Variants in KIF1C observed in about 807,000 individuals in gnomAD.
The protein encoded by KIF1C is kinesin family member 1C, also known as kinesin-like protein KIF1C.
KIF1C carries 61 observed loss-of-function variants against 126.5 expected under a neutral mutation model. That is an observed-to-expected ratio of 0.48 (90% CI 0.39 to 0.60). The LOEUF (loss-of-function observed/expected upper bound fraction) is 0.60. Among genes scored for constraint, KIF1C ranks in the 20% least tolerant of loss-of-function variants. The probability of loss-of-function intolerance (pLI) is 0.00; values close to 1 mark genes in which losing one functional copy is unlikely to be tolerated. For missense variants in KIF1C, 1,315 were observed against 1,489.2 expected (o/e 0.88, Z 1.93); for synonymous variants, 640 against 580.6 (o/e 1.10, Z -1.47).
chr17:5,008,549 GT>G, intron 16 of KIF1C, among the ~76,000 whole-genome samples: 1 of 152,228 alleles, frequency 6.6e-6, no homozygotes, highest in African/African-American at 2.4e-5. Flanking sequence ...GAGGTGATGG[GT>G]TACCAGAAGA....
At chr17:5,004,132 A>C in intron 11 of KIF1C, 59 bp downstream of exon 11, 1 of 1,194,146 alleles carries the variant, frequency 8.4e-7, no homozygotes, top group East Asian at 2.3e-5. Flanking sequence ...CTCTTTTGAT[A>C]CATCTGACAA....
At chr17:5,014,050 G>C (rs376647) in intron 17 of KIF1C, 18,211 of 332,192 alleles carry the variant, frequency 0.055, 766 homozygotes, top group East Asian at 0.22. Flanking sequence ...GGCCTTCCCT[G>C]GGGGCGGGAG....
chr17:5,022,508 G>A lies in KIF1C; in HGVS notation c.2427G>A (p.Glu809=). ...GGGATGTCTGGGACACTGTAGGCGA[G>A]GAGGAAGGAGGTGGAGCTGGCAGTG... ...VARDVWDTVG[E]EEGGGAGSGG... is the part of the protein sequence containing the mutation. Residue 809 remains glutamate, a synonymous_variant, in exon 22 of 23, where the codon GAG becomes GAA. Transcript: ENST00000320785. This position sits in a 1 kb window ranked among gnomAD's most constrained non-coding sequence, Gnocchi z 4.9. 1 of 1,588,006 alleles carries A rather than the reference G, an allele frequency of 6.3e-7. No individual in the cohort carries two copies.
rs757101369 is a variant in KIF1C at position 5,002,070 on chromosome 17, C to A, written c.375C>A (p.Asp125Glu). 6.2e-7 allele frequency: 1 copy of A among 1,614,042 alleles called. No homozygotes were observed. Among genetic ancestry groups the A allele is most frequent in the South Asian group, 1.1e-5 (1 of 91,080 alleles). Reference sequence around the variant, plus strand: ...GTGTCCCCCTCCAGCTCTGTGAGGACCTCTTCTCTCGCGTTAGTGAGAACC... The same window carrying A: ...GTGTCCCCCTCCAGCTCTGTGAGGAACTCTTCTCTCGCGTTAGTGAGAACC... ...QQGIVPQLCE[D>E]LFSRVSENQS... The change falls in exon 6 of 23, where the codon GAC becomes GAA. Residue 125 changes from aspartate (D) to glutamate (E), a missense_variant. By Grantham distance (45) the Asp-to-Glu change is conservative. Around this residue, in one of 2 missense-constraint regions of KIF1C, gnomAD observed 874 missense variants for 1,053.2 expected, o/e 0.83. Transcript: ENST00000320785.
In KIF1C at chr17:5,013,895, A is replaced by C. The variant is rs183791637; in HGVS notation, c.1571+163A>C. On this transcript the variant is annotated intron_variant, in intron 17 of 22. Coordinates refer to ENST00000320785, the MANE Select transcript of KIF1C (RefSeq NM_006612.6). ...TGCACGCTCTCCCAGCTTCAAGAGA[A>C]GCGTGCCTGCTCAGTGGCTGTCTTG... Among the ~76,000 whole-genome samples, 402 of 152,100 alleles carry C rather than the reference A, an allele frequency of 2.6e-3. 2 individuals are homozygous for C. The highest frequency in any genetic ancestry group is 0.01 in the Middle Eastern group (3 of 294).
At chr17:5,015,337 G>A (rs1742729400) in intron 18 of KIF1C, among the ~76,000 whole-genome samples, 1 of 151,766 alleles carries the variant, frequency 6.6e-6, no homozygotes, top group Admixed American at 6.6e-5. Flanking sequence ...AGGCTGGAGT[G>A]CAATGGCGCG....
At chr17:5,017,164 G>GCAAGGAGCT (rs1029925099) in intron 18 of KIF1C, among the ~76,000 whole-genome samples, 1 of 152,132 alleles carries the variant, frequency 6.6e-6, no homozygotes, top group African/African-American at 2.4e-5. Flanking sequence ...CAGCCCATGG[G>GCAAGGAGCT]CAAGGAGCTA....
At chr17:5,000,740 C>T (rs1974567114) in intron 3 of KIF1C, 32 bp from the exon 4 acceptor site, 1 of 1,606,998 alleles carries the variant, frequency 6.2e-7, no homozygotes, top group Admixed American at 1.7e-5. Context: ...CTGACCTTGA[C>T]TTTCCTTCCT....
intron 1 of KIF1C, among the ~76,000 whole-genome samples, chr17:4,998,363 G>C (rs1356056776): frequency 1.3e-5 from 2 of 152,200 alleles, no homozygotes; most frequent in Non-Finnish European, 2.9e-5. Flanking sequence ...CGCCCTGAGA[G>C]GCCGGGCGGG....
chr17:5,000,624 AG>A (rs1974562942), intron 3 of KIF1C, 147 bp from the exon 4 acceptor site: 2 of 650,000 alleles, frequency 3.1e-6, no homozygotes, highest in East Asian at 2.9e-5. Flanking sequence ...TGGTGGCTGG[AG>A]GGGGTGGGGA....
In KIF1C at chr17:5,023,409, T is replaced by C; in HGVS notation, c.2629-59T>C. 3 of 1,400,902 alleles carry C rather than the reference T, an allele frequency of 2.1e-6. No individual in the cohort carries two copies. Among genetic ancestry groups the C allele is most frequent in the South Asian group, 2.4e-5 (2 of 82,098 alleles). 86.8% of individuals were successfully genotyped at this position (1,400,902 alleles called of 1,614,324 possible). A position where few individuals can be genotyped will look rare whatever the true frequency, so the allele number is the denominator to read the frequency against. ...ACTCCAGGTCCCTCTTGAATCCACATGTCCTGAGGATTCAGCTCTCCTCAC... is the reference window on the plus strand; with the variant it reads ...ACTCCAGGTCCCTCTTGAATCCACACGTCCTGAGGATTCAGCTCTCCTCAC... On this transcript the variant is annotated intron_variant, in intron 22 of 22. Coordinates refer to ENST00000320785, the MANE Select transcript of KIF1C (RefSeq NM_006612.6). This position sits in a 1 kb window ranked among gnomAD's most constrained non-coding sequence, Gnocchi z 4.2.
In KIF1C at chr17:5,023,336, G is replaced by A. The variant is rs1430437815; in HGVS notation, c.2629-132G>A. On this transcript the variant is annotated intron_variant, in intron 22 of 22. Coordinates refer to ENST00000320785, the MANE Select transcript of KIF1C (RefSeq NM_006612.6). This position sits in a 1 kb window ranked among gnomAD's most constrained non-coding sequence, Gnocchi z 4.2. ...GCCCGGCCCTAAACCACTATTTTTC[G>A]AGCTTCCTTATCTCTAGGCTTTTCT... is the stretch of plus-strand genomic sequence containing the variant. 2.6e-5 allele frequency: 19 copies of A among 741,388 alleles called. No homozygotes were observed. The highest frequency in any genetic ancestry group is 3.5e-5 in the Non-Finnish European group (16 of 451,494). The allele number at this position is 741,388 out of a possible 1,614,324, so 45.9% of individuals were successfully genotyped here. A position where few individuals can be genotyped will look rare whatever the true frequency, so the allele number is the denominator to read the frequency against.
intron 16 of KIF1C, among the ~76,000 whole-genome samples, chr17:5,009,825 T>C (rs1374972317): frequency 6.6e-6 from 1 of 151,930 alleles, no homozygotes; most frequent in Non-Finnish European, 1.5e-5. Flanking sequence ...CTAGAGATGC[T>C]GTCTAGGAGA....
chr17:5,007,243 T>TA lies in KIF1C; in HGVS notation c.1336-19dup. The stretch of plus-strand genomic sequence containing the variant: ...GCTTGTCCCAGACCATCCTGAAACC[T>TA]ACCCACCTTACGCCCCCAGGAGACA... On this transcript the variant is annotated intron_variant, in intron 14 of 22. Coordinates refer to ENST00000320785, the MANE Select transcript of KIF1C (RefSeq NM_006612.6). The TA allele has an allele frequency of 6.3e-7, 1 of 1,599,704 alleles. No individual in the cohort carries two copies. Among genetic ancestry groups the TA allele is most frequent in the Middle Eastern group, 1.7e-4 (1 of 6,048 alleles).
chr17:5,014,056 G>A (rs1000325184), intron 17 of KIF1C: 4 of 325,076 alleles, frequency 1.2e-5, no homozygotes, highest in African/African-American at 2.1e-5. Context: ...CCCTGGGGGC[G>A]GGAGAAGGGA....
intron 16 of KIF1C, among the ~76,000 whole-genome samples, chr17:5,008,746 C>T (rs1974792617): frequency 6.6e-6 from 1 of 152,180 alleles, no homozygotes; most frequent in African/African-American, 2.4e-5. Flanking sequence ...GGGCTGGGTA[C>T]CCTGGGGCTT....
Position 5,002,800 on chromosome 17 carries a change from A to C in KIF1C, c.678A>C (p.Thr226=). 6.2e-7 allele frequency: 1 copy of C among 1,613,548 alleles called. No homozygotes were observed. Among genetic ancestry groups the C allele is most frequent in the Non-Finnish European group, 8.5e-7 (1 of 1,179,752 alleles). The change falls in exon 8 of 23, where the codon ACA becomes ACC. Residue 226 remains threonine, a synonymous_variant. Transcript: ENST00000320785. ...ATGCCGTCTTTACCATCGTCTTCAC[A>C]CAGCGCTGCCATGACCAGCTCACGG... ...RSHAVFTIVF[T]QRCHDQLTGL...
intron 17 of KIF1C, 130 bp downstream of exon 17, chr17:5,013,862 C>T: frequency 1.6e-6 from 1 of 636,978 alleles, no homozygotes; most frequent in Non-Finnish European, 2.8e-6. Context: ...CAGCTGCCTC[C>T]ACAGCCCTGC....
At chr17:5,009,743 G>A (rs1176105649) in intron 16 of KIF1C, among the ~76,000 whole-genome samples, 2 of 147,086 alleles carry the variant, frequency 1.4e-5, no homozygotes, top group African/African-American at 5.0e-5. Context: ...AGCTGAGATC[G>A]CACCACTGCA....
Sources: allele counts gnomAD v4.1 joint callset (sites outside exome capture counted in the v4.1 genomes callset), GRCh38; gene constraint gnomAD v4.1.1; regional missense constraint gnomAD v4.1.1; non-coding constraint Gnocchi (gnomAD v3.1); transcripts MANE v1.5; gene names NCBI Gene and HGNC (gene_info 2026-07-23, HGNC 2026-07-21).